Variants in GSE1 observed in about 807,000 individuals in gnomAD.
GSE1 encodes genetic suppressor element 1.
GSE1 carries 32 observed loss-of-function variants against 112.6 expected under a neutral mutation model. That is an observed-to-expected ratio of 0.28 (90% confidence interval 0.21 to 0.38). GSE1 has a LOEUF of 0.38. Among genes scored for constraint, GSE1 ranks in the 10% least tolerant of loss-of-function variants. The probability of loss-of-function intolerance (pLI) is 1.00; values close to 1 mark genes in which losing one functional copy is unlikely to be tolerated. For missense variants in GSE1, 2,348 were observed against 1,699.2 expected (o/e 1.38, Z -6.71); for synonymous variants, 1,115 against 735.6 (o/e 1.52, Z -8.35).
intron 2 of GSE1, among the ~76,000 whole-genome samples, chr16:85,393,507 C>T (rs1567732148): frequency 6.6e-6 from 1 of 152,208 alleles, no homozygotes; most frequent in Non-Finnish European, 1.5e-5. Flanking sequence ...AAATGCCTCT[C>T]ATATTGACAC....
intron 1 of GSE1, among the ~76,000 whole-genome samples, chr16:85,180,196 C>T (rs559965199): frequency 4.9e-4 from 74 of 151,856 alleles, no homozygotes; most frequent in Non-Finnish European, 8.7e-4. Flanking sequence ...TTGGGCTTCC[C>T]GCGAGAGGTG....
chr16:85,215,521 C>A (rs1325278081), intron 1 of GSE1, among the ~76,000 whole-genome samples: 8 of 152,026 alleles, frequency 5.3e-5, no homozygotes, highest in African/African-American at 1.7e-4. Flanking sequence ...ATTCATGCAA[C>A]AAAAAACCAT....
Position 85,546,031 on chromosome 16 carries a change from C to T in GSE1, c.2465-87883C>T, listed in dbSNP as rs567356377. Among the ~76,000 whole-genome samples, 42 of 152,278 alleles carry T rather than the reference C, an allele frequency of 2.8e-4. 1 individual carries two copies. Among genetic ancestry groups the T allele is most frequent in the Admixed American group, 3.9e-4 (6 of 15,286 alleles). ...CGATCTCCTGACCTCGTGATCTGCC[C>T]ACCTCGGCCTCCCAAAGTGCTGGGA... On this transcript the variant is annotated intron_variant, in intron 2 of 2. Coordinates refer to the GSE1 transcript ENST00000637419.
At chr16:85,315,637 G>A (rs901307465) in intron 1 of GSE1, among the ~76,000 whole-genome samples, 2 of 152,212 alleles carry the variant, frequency 1.3e-5, no homozygotes, top group African/African-American at 4.8e-5. Flanking sequence ...GTAGACTTGA[G>A]ACCGTGTGTA....
intron 1 of GSE1, among the ~76,000 whole-genome samples, chr16:85,199,920 C>A (rs921660256): frequency 6.6e-6 from 1 of 152,096 alleles, no homozygotes; most frequent in South Asian, 2.1e-4. Context: ...TGGATGGCCA[C>A]TGTGGGATGT....
chr16:85,416,461 A>C (rs116561338), intron 2 of GSE1, among the ~76,000 whole-genome samples: 5,819 of 152,226 alleles, frequency 0.038, 317 homozygotes, highest in Admixed American at 0.14. Flanking sequence ...GTGGGAGTCC[A>C]CCGGGCGGTG....
At chr16:85,420,585 T>C (rs1212910176) in intron 2 of GSE1, among the ~76,000 whole-genome samples, 8 of 152,064 alleles carry the variant, frequency 5.3e-5, no homozygotes, top group African/African-American at 1.9e-4. Context: ...CCACCATGCG[T>C]CCTCCAGTGA....
At chr16:85,642,699 C>G (rs1027413147) in intron 2 of GSE1, among the ~76,000 whole-genome samples, 1 of 152,242 alleles carries the variant, frequency 6.6e-6, no homozygotes, top group East Asian at 1.9e-4. Context: ...CCGGTAGTTA[C>G]CGTTCTGTTC....
intron 2 of GSE1, among the ~76,000 whole-genome samples, chr16:85,545,740 C>G (rs145926799): frequency 1.3e-5 from 2 of 152,270 alleles, no homozygotes; most frequent in East Asian, 3.9e-4. Flanking sequence ...ACCTAGAGAC[C>G]TATGGGTATG....
intron 1 of GSE1, among the ~76,000 whole-genome samples, chr16:85,334,071 C>T (rs1320767381): frequency 6.6e-6 from 1 of 152,254 alleles, no homozygotes; most frequent in Admixed American, 6.5e-5. Context: ...CCCGCTCCCT[C>T]TCCAGCCACT....
rs116499611 is a variant in GSE1, at chr16:85,623,484, T to A, written c.7+10086T>A. ...TCCGCACTGAGCTGTTGGGCATGAG[T>A]CAGCCTGGGCCCACCCCCGTTCCCC... On this transcript the variant is annotated intron_variant, in intron 1 of 15. Transcript: ENST00000253458. Among the ~76,000 whole-genome samples, 610 of 152,216 alleles carry A rather than the reference T, an allele frequency of 4.0e-3. 5 individuals carry two copies. Among genetic ancestry groups the A allele is most frequent in the African/African-American group, 0.014 (579 of 41,522 alleles).
At position 85,409,820 on chromosome 16, in the gene GSE1, C is replaced by T. The variant is rs1192401882; in HGVS notation, c.2464+52177C>T. 3.1e-4 allele frequency among the ~76,000 whole-genome samples: 6 copies of T among 19,224 alleles called. 1 individual carries two copies. The Admixed American group carries it at 4.4e-3, about 14-fold the overall frequency. 12.6% of individuals were successfully genotyped at this position (19,224 alleles called of 152,430 possible). On this transcript the variant is annotated intron_variant, in intron 2 of 2. Transcript: ENST00000637419. ...ACACTCAGGGCCCCCCTGGATAATC[C>T]TCACCGTTACACTCAGGGCCCCCCG... is the stretch of plus-strand genomic sequence containing the variant.
intron 1 of GSE1, among the ~76,000 whole-genome samples, chr16:85,210,636 T>C (rs545781565): frequency 6.6e-6 from 1 of 152,100 alleles, no homozygotes; most frequent in African/African-American, 2.4e-5. Context: ...CATAAGCAGA[T>C]GCCAGACTGT....
At chr16:85,356,581 A>G (rs2046955490) in intron 1 of GSE1, among the ~76,000 whole-genome samples, 2 of 152,266 alleles carry the variant, frequency 1.3e-5, no homozygotes, top group Non-Finnish European at 2.9e-5. Flanking sequence ...GCACCAAACC[A>G]GGTGCCGCCC....
chr16:85,352,614 C>A (rs2046872917), intron 1 of GSE1, among the ~76,000 whole-genome samples: 1 of 152,216 alleles, frequency 6.6e-6, no homozygotes, highest in Non-Finnish European at 1.5e-5. Context: ...TTTTCAGGGA[C>A]TGTCGTAAAT....
At chr16:85,414,515 C>T (rs1426648833) in intron 2 of GSE1, among the ~76,000 whole-genome samples, 3 of 152,222 alleles carry the variant, frequency 2.0e-5, no homozygotes, top group Non-Finnish European at 2.9e-5. Flanking sequence ...GCCATGCCTT[C>T]GTGGGTCCCA....
intron 1 of GSE1, among the ~76,000 whole-genome samples, chr16:85,191,476 G>A (rs1212672430): frequency 6.6e-6 from 1 of 152,114 alleles, no homozygotes; most frequent in African/African-American, 2.4e-5. Flanking sequence ...ATTATTCCAT[G>A]CTTGCTGTAG....
At chr16:85,407,414 C>A (rs1210583322) in intron 2 of GSE1, among the ~76,000 whole-genome samples, 2 of 12,178 alleles carry the variant, frequency 1.6e-4, no homozygotes, top group African/African-American at 9.0e-4. Flanking sequence ...CCTGGATAAT[C>A]CTCACTGTTA....
At position 85,590,500 on chromosome 16, in the gene GSE1, T is replaced by C. The variant is rs541456037; in HGVS notation, c.37+34137T>C. ...TTGTGCATGTGTGAACGCATGGGCC[T>C]GTGTGTGAATGAGTGTGTGTGTGAT... On this transcript the variant is annotated intron_variant, in intron 1 of 2. Coordinates refer to the GSE1 transcript ENST00000635906. Among the ~76,000 whole-genome samples the C allele has an allele frequency of 2.7e-3, 411 of 151,400 alleles. 1 individual carries two copies. Among genetic ancestry groups the C allele is most frequent in the African/African-American group, 9.5e-3 (391 of 41,240 alleles).
Sources: gnomAD v4.1 joint callset for allele counts (sites outside exome capture counted in the v4.1 genomes callset) on GRCh38, gnomAD v4.1.1 for gene constraint, MANE v1.5 for transcripts, NCBI Gene and HGNC (gene_info 2026-07-23, HGNC 2026-07-21) for gene names.